Variants in CNBD1 observed in about 807,000 individuals in gnomAD.
CNBD1 encodes cyclic nucleotide-binding domain-containing protein 1.
CNBD1 carries 71 observed loss-of-function variants against 54.4 expected under a neutral mutation model. The ratio of observed to expected loss-of-function variants is 1.30; its 90% CI spans 1.08 to 1.59. The LOEUF (loss-of-function observed/expected upper bound fraction) is 1.59, where lower values mean the gene tolerates loss of function less well. CNBD1 is among the 40% of genes most tolerant of loss of function. The pLI is 0.00. For missense variants in CNBD1, 659 were observed against 518.0 expected (o/e 1.27, Z -2.64); for synonymous variants, 182 against 170.7 (o/e 1.07, Z -0.51).
At chr8:87,322,166 G>A (rs1453691667) in intron 8 of CNBD1, among the ~76,000 whole-genome samples, 1 of 121,194 alleles carries the variant, frequency 8.3e-6, no homozygotes, top group Non-Finnish European at 1.8e-5. Context: ...GTATTCCATG[G>A]TGTAAATGTG....
At chr8:87,271,160 G>A (rs1187766444) in intron 6 of CNBD1, among the ~76,000 whole-genome samples, 1 of 151,062 alleles carries the variant, frequency 6.6e-6, no homozygotes, top group East Asian at 1.9e-4. Flanking sequence ...CTTCTCTCTT[G>A]TTTTTAAATT....
intron 4 of CNBD1, among the ~76,000 whole-genome samples, chr8:87,079,179 G>A (rs1185850864): frequency 6.6e-6 from 1 of 151,532 alleles, no homozygotes; most frequent in Non-Finnish European, 1.5e-5. Flanking sequence ...TCCAAGTTTT[G>A]TGGTAATCTG....
intron 4 of CNBD1, among the ~76,000 whole-genome samples, chr8:87,189,767 A>C (rs1462567550): frequency 6.6e-6 from 1 of 152,232 alleles, no homozygotes; most frequent in Non-Finnish European, 1.5e-5. Flanking sequence ...AGCATTTGTC[A>C]TATGAATCTG....
intron 3 of CNBD1, among the ~76,000 whole-genome samples, chr8:86,919,273 A>C (rs1326681852): frequency 6.6e-6 from 1 of 152,194 alleles, no homozygotes; most frequent in Non-Finnish European, 1.5e-5. Flanking sequence ...GGAAACCTTT[A>C]GACAAATTAA....
chr8:87,257,590 C>T (rs1808048045), intron 6 of CNBD1, among the ~76,000 whole-genome samples: 1 of 151,948 alleles, frequency 6.6e-6, no homozygotes, highest in African/African-American at 2.4e-5. Flanking sequence ...GAATGCAGAA[C>T]CTTTAATAGC....
At chr8:87,400,458 A>G (rs1192956647) in intron 2 of CNBD1, among the ~76,000 whole-genome samples, 1 of 152,024 alleles carries the variant, frequency 6.6e-6, no homozygotes, top group Non-Finnish European at 1.5e-5. Context: ...TACATTTGAA[A>G]TAAGAGCAGT....
At chr8:87,211,063 T>A (rs2130801330) in intron 5 of CNBD1, among the ~76,000 whole-genome samples, 1 of 152,272 alleles carries the variant, frequency 6.6e-6, no homozygotes, top group Non-Finnish European at 1.5e-5. Flanking sequence ...AGCCCACCAC[T>A]TGTACCAGTG....
intron 6 of CNBD1, among the ~76,000 whole-genome samples, chr8:87,282,497 A>G (rs895874539): frequency 2.0e-5 from 3 of 151,786 alleles, no homozygotes; most frequent in Non-Finnish European, 2.9e-5. Context: ...AAGTAAATAA[A>G]GAATTCTGGG....
chr8:87,367,968 G>A (rs1810676777), intron 10 of CNBD1, among the ~76,000 whole-genome samples: 1 of 151,942 alleles, frequency 6.6e-6, no homozygotes, highest in South Asian at 2.1e-4. Flanking sequence ...TCAGGAGTTT[G>A]ATTACCAACA....
At chr8:87,327,388 C>T (rs989422778) in intron 8 of CNBD1, among the ~76,000 whole-genome samples, 7 of 150,648 alleles carry the variant, frequency 4.6e-5, no homozygotes, top group South Asian at 4.2e-4. Flanking sequence ...CAATGGTGGG[C>T]GCCCCTCCCC....
intron 1 of CNBD1, among the ~76,000 whole-genome samples, chr8:86,885,133 G>A (rs1255246055): frequency 1.3e-5 from 2 of 152,138 alleles, no homozygotes; most frequent in African/African-American, 4.8e-5. Context: ...GGGAAAAATA[G>A]TTTAGTTACG....
At chr8:87,063,884 A>C (rs1274924687) in intron 4 of CNBD1, among the ~76,000 whole-genome samples, 1 of 151,946 alleles carries the variant, frequency 6.6e-6, no homozygotes, top group Non-Finnish European at 1.5e-5. Context: ...TATATTTAAA[A>C]ATTTTTATTT....
chr8:86,880,349 A>C (rs971894854), intron 1 of CNBD1, among the ~76,000 whole-genome samples: 5 of 151,918 alleles, frequency 3.3e-5, no homozygotes, highest in Non-Finnish European at 5.9e-5. Context: ...ATAAAAAAAA[A>C]CGTAATACTA....
intron 5 of CNBD1, among the ~76,000 whole-genome samples, chr8:87,213,728 C>A (rs1055628053): frequency 6.6e-6 from 1 of 152,182 alleles, no homozygotes; most frequent in African/African-American, 2.4e-5. Context: ...CATGTCCTCA[C>A]TTTTCAAAAC....
At chr8:87,424,521 A>G (rs547850774) in intron 2 of CNBD1, among the ~76,000 whole-genome samples, 6 of 152,132 alleles carry the variant, frequency 3.9e-5, no homozygotes, top group Admixed American at 3.3e-4. Flanking sequence ...TTCTGCCTTC[A>G]TTTCGTTATG....
intron 4 of CNBD1, among the ~76,000 whole-genome samples, chr8:87,086,903 A>G (rs1167919701): frequency 1.3e-5 from 2 of 152,130 alleles, no homozygotes; most frequent in African/African-American, 4.8e-5. Flanking sequence ...AGAAAATCCA[A>G]CTTAAACTAC....
intron 4 of CNBD1, among the ~76,000 whole-genome samples, chr8:87,019,363 G>GA: frequency 6.6e-6 from 1 of 152,154 alleles, no homozygotes; most frequent in South Asian, 2.1e-4. Flanking sequence ...GTCCTGCCAA[G>GA]AAAAAAATGA....
intron 6 of CNBD1, among the ~76,000 whole-genome samples, chr8:87,272,014 G>T (rs901771294): frequency 1.3e-5 from 2 of 151,896 alleles, no homozygotes; most frequent in African/African-American, 4.8e-5. Context: ...CAGAAAGACA[G>T]GTATCACATG....
intron 2 of CNBD1, among the ~76,000 whole-genome samples, chr8:86,887,889 T>C (rs1337647112): frequency 6.6e-6 from 1 of 152,140 alleles, no homozygotes; most frequent in Non-Finnish European, 1.5e-5. Context: ...GGAAAAAGCC[T>C]TAAGTGGTTG....
Sources: allele counts gnomAD v4.1 joint callset (sites outside exome capture counted in the v4.1 genomes callset), GRCh38; gene constraint gnomAD v4.1.1; transcripts MANE v1.5; gene names NCBI Gene and HGNC (gene_info 2026-07-23, HGNC 2026-07-21).